The following TBC1D22B variants were observed in gnomAD, a reference collection of about 807,000 sequenced individuals.
TBC1D22B encodes chromosome 6 open reading frame 197.
In TBC1D22B, 32 loss-of-function variants were observed where a neutral mutation model predicts 69.1. The observed-to-expected ratio is 0.46, with a 90% CI of 0.35 to 0.62. TBC1D22B has a LOEUF of 0.62. Among genes scored for constraint, TBC1D22B ranks in the 20% least tolerant of loss-of-function variants. TBC1D22B has a pLI of 0.00. For synonymous variants in TBC1D22B, 206 were observed against 229.8 expected, an observed-to-expected ratio of 0.90 and a Z score of 0.94; for missense variants, 462 against 630.9, an observed-to-expected ratio of 0.73 and a Z score of 2.87.
rs114790170 is a variant in TBC1D22B at position 37,288,869 on chromosome 6, C to T, written c.867+1797C>T. 2.8e-3 allele frequency among the ~76,000 whole-genome samples: 428 copies of T among 151,942 alleles called. 5 individuals are homozygous for T. The highest frequency in any genetic ancestry group is 9.4e-3 in the African/African-American group (390 of 41,446). ...AATGACCATTTCATCTAGCAGGCTA[C>T]AGTCATCTTTTAAATTTTTTTTATT... is the stretch of plus-strand genomic sequence containing the variant. On this transcript the variant is annotated intron_variant, in intron 7 of 12. Coordinates refer to ENST00000373491, the MANE Select transcript of TBC1D22B (RefSeq NM_017772.4).
intron 12 of TBC1D22B, among the ~76,000 whole-genome samples, chr6:37,321,929 T>C (rs972425199): frequency 7.9e-5 from 12 of 152,236 alleles, no homozygotes; most frequent in African/African-American, 2.9e-4. Context: ...TCAACCTGCA[T>C]GCTTAAGATT....
At chr6:37,274,293 T>G (rs1275513838) in intron 2 of TBC1D22B, among the ~76,000 whole-genome samples, 1 of 152,254 alleles carries the variant, frequency 6.6e-6, no homozygotes, top group East Asian at 1.9e-4. Context: ...GAAAATTCTG[T>G]TAAGTAGAAC....
At chr6:37,280,752 A>C (rs1431119487) in intron 3 of TBC1D22B, among the ~76,000 whole-genome samples, 1 of 151,956 alleles carries the variant, frequency 6.6e-6, no homozygotes, top group Non-Finnish European at 1.5e-5. Flanking sequence ...TATGAGATTT[A>C]CCTCTGTCTC....
intron 12 of TBC1D22B, among the ~76,000 whole-genome samples, chr6:37,327,354 T>C (rs1768447226): frequency 7.5e-6 from 1 of 132,700 alleles, no homozygotes; most frequent in South Asian, 2.3e-4. Flanking sequence ...GGTGGGCGCC[T>C]GTAGTCCCAG....
chr6:37,316,442 G>T (rs1768080180), intron 10 of TBC1D22B, among the ~76,000 whole-genome samples: 1 of 152,240 alleles, frequency 6.6e-6, no homozygotes, highest in Non-Finnish European at 1.5e-5. Context: ...GGCCAGAGCG[G>T]CCCCACAAAG....
intron 12 of TBC1D22B, among the ~76,000 whole-genome samples, chr6:37,319,535 C>T (rs572233490): frequency 6.6e-6 from 1 of 152,308 alleles, no homozygotes; most frequent in African/African-American, 2.4e-5. Flanking sequence ...TAGAGATATT[C>T]TTTACTGGGT....
intron 2 of TBC1D22B, among the ~76,000 whole-genome samples, chr6:37,277,149 G>A (rs572369172): frequency 6.6e-6 from 1 of 152,156 alleles, no homozygotes; most frequent in Admixed American, 6.5e-5. Context: ...TTTGACCTGA[G>A]TTAAAATTCA....
At chr6:37,279,802 G>A (rs1427770170) in intron 3 of TBC1D22B, among the ~76,000 whole-genome samples, 191 bp downstream of exon 3, 1 of 152,236 alleles carries the variant, frequency 6.6e-6, no homozygotes, top group Non-Finnish European at 1.5e-5. Flanking sequence ...AGTGGTGGCT[G>A]CCCAGTCTGG....
At chr6:37,284,296 C>T (rs772681730) in intron 5 of TBC1D22B, 40 bp from the exon 6 acceptor site, 10 of 1,613,714 alleles carry the variant, frequency 6.2e-6, no homozygotes, top group Middle Eastern at 3.3e-4. Flanking sequence ...ATTTATCCAA[C>T]CATTGTCTTT....
intron 12 of TBC1D22B, among the ~76,000 whole-genome samples, chr6:37,321,757 A>T (rs1158815164): frequency 6.6e-6 from 1 of 152,192 alleles, no homozygotes; most frequent in East Asian, 1.9e-4. Context: ...GTGGAGTCCT[A>T]GAGCCTGCTT....
At chr6:37,325,764 G>A (rs983902554) in intron 12 of TBC1D22B, among the ~76,000 whole-genome samples, 21 of 151,960 alleles carry the variant, frequency 1.4e-4, no homozygotes, top group African/African-American at 5.1e-4. Flanking sequence ...TAGCCAGGCT[G>A]GTCGCGAACT....
At chr6:37,326,494 G>A (rs931092340) in intron 12 of TBC1D22B, among the ~76,000 whole-genome samples, 1 of 150,574 alleles carries the variant, frequency 6.6e-6, no homozygotes, top group African/African-American at 2.4e-5. Context: ...GAAAATTCCA[G>A]TAAGAAATCT....
intron 8 of TBC1D22B, among the ~76,000 whole-genome samples, chr6:37,298,836 C>T (rs563455717): frequency 9.9e-5 from 15 of 151,940 alleles, no homozygotes; most frequent in Admixed American, 5.2e-4. Context: ...TGAGCCACCG[C>T]GCCTGGCCTA....
chr6:37,320,253 T>C (rs149717), intron 12 of TBC1D22B, among the ~76,000 whole-genome samples: 2,188 of 152,262 alleles, frequency 0.014, 47 homozygotes, highest in African/African-American at 0.048. Context: ...CCATGGTCTT[T>C]GGAGCCAGAC....
Position 37,316,773 on chromosome 6 carries a change from C to T in TBC1D22B, c.1236C>T (p.Asn412=), listed in dbSNP as rs928679375. 1 of 1,614,252 alleles carries T rather than the reference C, an allele frequency of 6.2e-7. No homozygotes were observed. The highest frequency in any genetic ancestry group is 8.5e-7 in the Non-Finnish European group (1 of 1,180,050). ...AGTTTGCCTTCCGCTGGATGAACAA[C>T]CTGCTTATGCGGGAGCTTCCTCTTC... ...YLQFAFRWMN[N]LLMRELPLRC... is the part of the protein sequence containing the mutation. Residue 412 remains asparagine (N), a synonymous_variant, in exon 11 of 13, where the codon AAC becomes AAT. Coordinates refer to ENST00000373491, the MANE Select transcript of TBC1D22B (RefSeq NM_017772.4).
intron 3 of TBC1D22B, 67 bp downstream of exon 3, chr6:37,279,678 T>C: frequency 6.7e-7 from 1 of 1,498,204 alleles, no homozygotes. Context: ...ATAAAAGCGA[T>C]TTTTCTTTGG....
At position 37,257,815 on chromosome 6, in the gene TBC1D22B, C is replaced by A. The variant is rs902377527; in HGVS notation, c.-103C>A. 1.2e-4 allele frequency: 157 copies of A among 1,311,700 alleles called. No individual in the cohort carries two copies. The highest frequency in any genetic ancestry group is 1.6e-4 in the Non-Finnish European group (155 of 946,678). The allele number at this position is 1,311,700 out of a possible 1,614,324, so 81.3% of individuals were successfully genotyped here. A position where few individuals can be genotyped will look rare whatever the true frequency, so the allele number is the denominator to read the frequency against. ...CCAGGAGCTGGGAGCGGGTGACCGG[C>A]GGCGGGGAAGCGGCCTGGGTTGGCC... On this transcript the variant is annotated 5_prime_UTR_variant, in exon 1 of 13. Coordinates refer to ENST00000373491, the MANE Select transcript of TBC1D22B (RefSeq NM_017772.4).
intron 12 of TBC1D22B, among the ~76,000 whole-genome samples, chr6:37,327,273 TC>T (rs1395248003): frequency 3.0e-5 from 3 of 98,466 alleles, no homozygotes; most frequent in Admixed American, 1.1e-4. Flanking sequence ...GGTCAGGAGA[TC>T]GAGACCATCC....
chr6:37,312,924 A>G lies in TBC1D22B; in HGVS notation c.989A>G (p.Asp330Gly). Residue 330 changes from aspartate (D) to glycine (G), a missense_variant, in exon 9 of 13, where the codon GAT becomes GGT. By Grantham distance (94) the Asp-to-Gly change is moderately conservative (BLOSUM62 -1). Transcript: ENST00000373491. ...VVFLSEYVEEDVENFDVTNLS... is the reference protein window; with the variant it reads ...VVFLSEYVEEGVENFDVTNLS... ...TTCACCTTTTGTTTTACAGAAGAGG[A>G]TGTGGAGAACTTTGACGTGACCAAC... is the stretch of plus-strand genomic sequence containing the variant. 6.2e-7 allele frequency: 1 copy of G among 1,613,552 alleles called. No individual in the cohort carries two copies. The highest frequency in any genetic ancestry group is 1.3e-5 in the African/African-American group (1 of 75,024).
Sources: allele counts gnomAD v4.1 joint callset (sites outside exome capture counted in the v4.1 genomes callset), GRCh38; gene constraint gnomAD v4.1.1; transcripts MANE v1.5; gene names NCBI Gene and HGNC (gene_info 2026-07-23, HGNC 2026-07-21).